UNC5D: variants seen among roughly 807,000 people sequenced by gnomAD.
UNC5D encodes unc-5 netrin receptor D, also known as netrin receptor UNC5D.
UNC5D carries 39 observed loss-of-function variants against 105.4 expected under a neutral mutation model. The observed-to-expected ratio is 0.37, with a 90% CI of 0.29 to 0.48. The LOEUF (loss-of-function observed/expected upper bound fraction) is 0.48. Ranked by LOEUF, UNC5D falls within the 20% of genes least tolerant of loss-of-function variation. The pLI, the probability that UNC5D is intolerant of heterozygous loss-of-function variation, is 0.98. For synonymous variants in UNC5D, 452 were observed against 450.4 expected (o/e 1.00, Z -0.04); for missense variants, 991 against 1,202.4 (o/e 0.82, Z 2.60).
intron 1 of UNC5D, among the ~76,000 whole-genome samples, chr8:35,288,746 T>C (rs1266011116): frequency 6.6e-6 from 1 of 152,198 alleles, no homozygotes; most frequent in African/African-American, 2.4e-5. Flanking sequence ...GTAGTTTTTA[T>C]ATGCATGTAA....
chr8:35,510,322 A>C lies in UNC5D; in HGVS notation c.104-38970A>C, dbSNP rs202081726. 1.8e-4 allele frequency among the ~76,000 whole-genome samples: 26 copies of C among 148,154 alleles called. No individual in the cohort carries two copies. The East Asian group carries it at 4.1e-3, about 23-fold the overall frequency. ...TCTTTTTTATATCCAAAAAAAAAAAAAAAAAAAAAACACTTTGGAGATTCC... is the reference window on the plus strand; with the variant it reads ...TCTTTTTTATATCCAAAAAAAAAAACAAAAAAAAAACACTTTGGAGATTCC... On this transcript the variant is annotated intron_variant, in intron 1 of 16. Transcript: ENST00000404895.
intron 1 of UNC5D, among the ~76,000 whole-genome samples, chr8:35,429,303 G>T: frequency 6.6e-6 from 1 of 152,178 alleles, no homozygotes; most frequent in East Asian, 1.9e-4. Context: ...AATGAAATGA[G>T]ATTATGAATT....
intron 1 of UNC5D, among the ~76,000 whole-genome samples, chr8:35,418,765 GGT>G (rs1175927677): frequency 1.3e-5 from 2 of 152,144 alleles, no homozygotes; most frequent in Non-Finnish European, 2.9e-5. Context: ...TACGGACGTT[GGT>G]GCATTCAACT....
intron 1 of UNC5D, among the ~76,000 whole-genome samples, chr8:35,249,952 G>A (rs1344806504): frequency 6.6e-6 from 1 of 151,900 alleles, no homozygotes. Flanking sequence ...TTGCAGAAAG[G>A]AAAACATCTG....
chr8:35,525,919 T>C (rs1042028354), intron 1 of UNC5D, among the ~76,000 whole-genome samples: 2 of 152,216 alleles, frequency 1.3e-5, no homozygotes, highest in Non-Finnish European at 2.9e-5. Flanking sequence ...GGAGTGTTCA[T>C]AAAGAGTCTA....
intron 1 of UNC5D, among the ~76,000 whole-genome samples, chr8:35,338,118 A>G (rs1446563656): frequency 6.6e-6 from 1 of 152,246 alleles, no homozygotes; most frequent in East Asian, 1.9e-4. Flanking sequence ...TGCAACTTTC[A>G]TTCCTTGGTT....
chr8:35,498,924 C>A (rs1321345736), intron 1 of UNC5D, among the ~76,000 whole-genome samples: 1 of 152,060 alleles, frequency 6.6e-6, no homozygotes, highest in Non-Finnish European at 1.5e-5. Context: ...TCCAAGCATT[C>A]AGCAATGCTT....
chr8:35,517,723 T>A (rs569360945), intron 1 of UNC5D, among the ~76,000 whole-genome samples: 1 of 152,348 alleles, frequency 6.6e-6, no homozygotes, highest in South Asian at 2.1e-4. Flanking sequence ...ATGATGGATG[T>A]CTGAGTTTGT....
chr8:35,673,675 G>A (rs1015735837), intron 4 of UNC5D, among the ~76,000 whole-genome samples: 1 of 152,082 alleles, frequency 6.6e-6, no homozygotes, highest in African/African-American at 2.4e-5. Flanking sequence ...GACAATGGCC[G>A]ACAGCACTGT....
At chr8:35,481,429 C>T (rs746399592) in intron 1 of UNC5D, among the ~76,000 whole-genome samples, 2 of 152,036 alleles carry the variant, frequency 1.3e-5, no homozygotes, top group Non-Finnish European at 2.9e-5. Flanking sequence ...AGAAAATGAC[C>T]ACAAAAAACT....
In UNC5D at chr8:35,578,457, C is replaced by A. The variant is rs559146058; in HGVS notation, c.466+10216C>A. 9.9e-5 allele frequency among the ~76,000 whole-genome samples: 15 copies of A among 152,202 alleles called. No individual in the cohort carries two copies. The East Asian group carries it at 2.9e-3, about 29-fold the overall frequency. Reference sequence around the variant, plus strand: ...GGTGCTCCAGGAATATAGGAAGCCACCAGATAGACATGGCACATGTTTCTG... The same window carrying A: ...GGTGCTCCAGGAATATAGGAAGCCAACAGATAGACATGGCACATGTTTCTG... On this transcript the variant is annotated intron_variant, in intron 3 of 16. Coordinates refer to ENST00000404895, the MANE Select transcript of UNC5D (RefSeq NM_080872.4).
chr8:35,689,709 A>G (rs1422093527), intron 7 of UNC5D, among the ~76,000 whole-genome samples: 1 of 152,196 alleles, frequency 6.6e-6, no homozygotes, highest in Non-Finnish European at 1.5e-5. Flanking sequence ...GGGAGGGTCA[A>G]TCTTTTGTTC....
At chr8:35,608,212 T>G (rs1820441234) in intron 4 of UNC5D, among the ~76,000 whole-genome samples, 1 of 152,204 alleles carries the variant, frequency 6.6e-6, no homozygotes, top group Admixed American at 6.5e-5. Flanking sequence ...CTTTTTGGAA[T>G]AAATTTCAGA....
chr8:35,279,867 G>A (rs1806025133), intron 1 of UNC5D, among the ~76,000 whole-genome samples: 1 of 152,114 alleles, frequency 6.6e-6, no homozygotes, highest in African/African-American at 2.4e-5. Context: ...CTATAGACTT[G>A]GCCTTGTATA....
At chr8:35,619,470 A>G (rs1331641220) in intron 4 of UNC5D, among the ~76,000 whole-genome samples, 2 of 152,178 alleles carry the variant, frequency 1.3e-5, no homozygotes, top group Non-Finnish European at 2.9e-5. Flanking sequence ...TTGGATCACA[A>G]AGTGTCTTGT....
At chr8:35,726,843 T>C (rs1828907320) in intron 10 of UNC5D, 1 of 325,428 alleles carries the variant, frequency 3.1e-6, no homozygotes, top group East Asian at 5.6e-5. Flanking sequence ...CTAGGCATGA[T>C]AAGAAAGCAC....
chr8:35,734,909 G>A (rs1829386756), intron 11 of UNC5D, among the ~76,000 whole-genome samples: 1 of 150,054 alleles, frequency 6.7e-6, no homozygotes, highest in Admixed American at 6.7e-5. Context: ...TCAGCCTCCC[G>A]AGTAGCTGGG....
At chr8:35,614,053 A>G (rs1247328987) in intron 4 of UNC5D, among the ~76,000 whole-genome samples, 1 of 152,174 alleles carries the variant, frequency 6.6e-6, no homozygotes, top group African/African-American at 2.4e-5. Context: ...TCTTATTTCT[A>G]ATTATTTCTG....
intron 1 of UNC5D, among the ~76,000 whole-genome samples, chr8:35,510,079 C>A (rs1193906617): frequency 6.6e-6 from 1 of 152,030 alleles, no homozygotes; most frequent in African/African-American, 2.4e-5. Flanking sequence ...AGAATCCAGT[C>A]CTTTGGGGTT....
Sources: gnomAD v4.1 joint callset for allele counts (sites outside exome capture counted in the v4.1 genomes callset) on GRCh38, gnomAD v4.1.1 for gene constraint, MANE v1.5 for transcripts, NCBI Gene and HGNC (gene_info 2026-07-23, HGNC 2026-07-21) for gene names.